OVCH1: variants seen among roughly 807,000 people sequenced by gnomAD.
OVCH1 encodes ovochymase 1.
In OVCH1, 139 loss-of-function variants were observed where a neutral mutation model predicts 138.4. The observed-to-expected ratio is 1.00, with a 90% confidence interval of 0.87 to 1.16. The LOEUF is 1.16. Among genes scored for constraint, OVCH1 ranks in the 50% most tolerant of loss-of-function variants. OVCH1 has a pLI of 0.00. For synonymous variants in OVCH1, 453 were observed against 467.8 expected (o/e 0.97, Z 0.41); for missense variants, 1,367 against 1,357.9 (o/e 1.01, Z -0.11).
At chr12:29,480,872 G>A (rs1360653251) in intron 8 of OVCH1, among the ~76,000 whole-genome samples, 1 of 152,162 alleles carries the variant, frequency 6.6e-6, no homozygotes, top group East Asian at 1.9e-4. Context: ...TGCTGAAGAA[G>A]TCACTGACTG....
chr12:29,475,192 GA>G lies in OVCH1; in HGVS notation c.1472-4del. The stretch of plus-strand genomic sequence containing the variant: ...GGTCAACATTCCACAAAGTTTAGCT[GA>G]AAAAATTTTAGGAAAGTTTGATTTA... On this transcript the variant is annotated splice_polypyrimidine_tract_variant and splice_region_variant and intron_variant, in intron 13 of 27. Transcript: ENST00000318184. 2.1e-6 allele frequency: 3 copies of G among 1,442,298 alleles called. No individual in the cohort carries two copies. Among genetic ancestry groups the G allele is most frequent in the Admixed American group, 2.9e-5 (1 of 34,426 alleles). The allele number at this position is 1,442,298 out of a possible 1,614,324, so 89.3% of individuals were successfully genotyped here. A position where few individuals can be genotyped will look rare whatever the true frequency, so the allele number is the denominator to read the frequency against.
intron 24 of OVCH1, 96 bp from the exon 25 acceptor site, chr12:29,443,596 C>T: frequency 8.4e-7 from 1 of 1,188,348 alleles, no homozygotes; most frequent in Non-Finnish European, 1.1e-6. Context: ...GTTATTGACC[C>T]CCAGTGAGCC....
intron 14 of OVCH1, among the ~76,000 whole-genome samples, chr12:29,474,138 C>A (rs890831062): frequency 6.6e-6 from 1 of 151,212 alleles, no homozygotes; most frequent in Admixed American, 6.6e-5. Context: ...AGAACCCTGA[C>A]TAATACAACA....
At chr12:29,472,014 G>C (rs1399224300) in intron 15 of OVCH1, 32 bp from the exon 16 acceptor site, 1 of 1,568,528 alleles carries the variant, frequency 6.4e-7, no homozygotes, top group South Asian at 1.2e-5. Context: ...TGACCCATAA[G>C]GTTGCAGTAA....
chr12:29,411,727 C>G (rs1940959762), downstream of OVCH1, among the ~76,000 whole-genome samples: 1 of 152,024 alleles, frequency 6.6e-6, no homozygotes, highest in Admixed American at 6.6e-5. Flanking sequence ...GGGGGTGCCT[C>G]CTAGTTAGGC....
Position 29,454,076 on chromosome 12 carries a change from C to T in OVCH1, c.2530+765G>A, listed in dbSNP as rs148895408. ...GCTCCGATCTCCATCTATTCCCAAA[C>T]ACCTCATACCTGCACCGGTGCCTCA... On this transcript the variant is annotated intron_variant, in intron 21 of 27. Coordinates refer to ENST00000318184, the Ensembl canonical transcript of OVCH1. Among the ~76,000 whole-genome samples the T allele has an allele frequency of 4.0e-3, 611 of 152,208 alleles. 4 individuals are homozygous for T. Among genetic ancestry groups the T allele is most frequent in the African/African-American group, 0.013 (534 of 41,530 alleles).
chr12:29,427,267 AT>A (rs1941195437), downstream of OVCH1, among the ~76,000 whole-genome samples: 3 of 152,098 alleles, frequency 2.0e-5, no homozygotes, highest in East Asian at 5.8e-4. Flanking sequence ...AAAATCAAAT[AT>A]TTTCTGTCAA....
intron 1 of OVCH1, among the ~76,000 whole-genome samples, 185 bp downstream of exon 1, chr12:29,497,438 G>A (rs947136964): frequency 2.6e-5 from 4 of 152,114 alleles, no homozygotes; most frequent in Admixed American, 6.5e-5. Context: ...ATTTCAAAAA[G>A]GCAGTCTGGC....
the OVCH1 span, among the ~76,000 whole-genome samples, chr12:29,405,422 GA>G: frequency 6.6e-6 from 1 of 152,162 alleles, no homozygotes; most frequent in African/African-American, 2.4e-5. Context: ...GCTTTGCCAA[GA>G]GGTACCTTTG....
intron 22 of OVCH1, among the ~76,000 whole-genome samples, chr12:29,449,074 A>T (rs79722647): frequency 6.6e-6 from 1 of 152,078 alleles, no homozygotes; most frequent in Non-Finnish European, 1.5e-5. Context: ...GAGGGCTGGC[A>T]TGTTTTCACC....
At chr12:29,468,557 G>T (rs188572089) in intron 16 of OVCH1, among the ~76,000 whole-genome samples, 1 of 152,170 alleles carries the variant, frequency 6.6e-6, no homozygotes, top group Non-Finnish European at 1.5e-5. Context: ...CTGCGTCTCT[G>T]TACTCAATAC....
intron 3 of OVCH1, among the ~76,000 whole-genome samples, chr12:29,412,917 A>G (rs1383496755): frequency 1.3e-5 from 2 of 152,192 alleles, no homozygotes; most frequent in Non-Finnish European, 2.9e-5. Context: ...GTGCAGTAGT[A>G]GCTCACTGTA....
Position 29,476,367 on chromosome 12 carries a change from C to T in OVCH1, c.1378-68G>A, listed in dbSNP as rs75922252. ...GAAGAGAGAAGCTTAAAGGGTTTTC[C>T]TCTGTGTATTTAAAGGCTCTTTGTC... On this transcript the variant is annotated intron_variant, in intron 12 of 27. Coordinates refer to ENST00000318184, the Ensembl canonical transcript of OVCH1. 5.3e-3 allele frequency: 6,885 copies of T among 1,288,728 alleles called. 42 individuals are homozygous for T. The highest frequency in any genetic ancestry group is 5.6e-3 in the Non-Finnish European group (4,952 of 888,700). The allele number at this position is 1,288,728 out of a possible 1,614,324, so 79.8% of individuals were successfully genotyped here.
intron 8 of OVCH1, among the ~76,000 whole-genome samples, chr12:29,483,312 C>G (rs970181995): frequency 6.6e-6 from 1 of 152,164 alleles, no homozygotes; most frequent in Non-Finnish European, 1.5e-5. Flanking sequence ...ATCCTTCTAA[C>G]AGCTTAAGCA....
chr12:29,488,493 C>T (rs190044994), intron 6 of OVCH1, among the ~76,000 whole-genome samples: 14 of 151,772 alleles, frequency 9.2e-5, no homozygotes, highest in East Asian at 7.8e-4. Flanking sequence ...GTGGTGGGTG[C>T]CTATAATCCC....
chr12:29,497,151 C>T (rs1297600635), intron 1 of OVCH1, among the ~76,000 whole-genome samples: 1 of 152,106 alleles, frequency 6.6e-6, no homozygotes, highest in African/African-American at 2.4e-5. Context: ...TGCCTATGGT[C>T]CCAGCTACTC....
the OVCH1 span, among the ~76,000 whole-genome samples, chr12:29,402,836 G>A: frequency 6.6e-6 from 1 of 152,132 alleles, no homozygotes; most frequent in Non-Finnish European, 1.5e-5. Context: ...AGAGAGAAAA[G>A]AGGTTGAAGG....
In OVCH1 at chr12:29,416,719, G is replaced by A. The variant is rs58290458; in HGVS notation, c.*72-3994C>T. 8.3e-4 allele frequency among the ~76,000 whole-genome samples: 127 copies of A among 152,222 alleles called. No individual in the cohort carries two copies. In the East Asian group the frequency reaches 0.024, roughly 28 times the overall value. ...ACATTGCTGGTGGGAATATAAAATG[G>A]TAAAACTACCATGGAAAAACAGCTT... On this transcript the variant is annotated intron_variant and NMD_transcript_variant, in intron 3 of 4. Transcript: ENST00000539117.
chr12:29,474,672 T>TAGCACA (rs1181595420), intron 14 of OVCH1, among the ~76,000 whole-genome samples: 4 of 152,326 alleles, frequency 2.6e-5, no homozygotes, highest in South Asian at 4.1e-4. Context: ...TTTGTCTGAG[T>TAGCACA]AGCACGTACT....
Sources: gnomAD v4.1 joint callset for allele counts (sites outside exome capture counted in the v4.1 genomes callset) on GRCh38, gnomAD v4.1.1 for gene constraint, MANE v1.5 for transcripts, NCBI Gene and HGNC (gene_info 2026-07-23, HGNC 2026-07-21) for gene names.